The following MYEF2 variants were observed in gnomAD, a reference collection of about 807,000 sequenced individuals.
MYEF2 encodes myelin gene expression factor 2.
A neutral mutation model predicts 75.2 loss-of-function variants in MYEF2; 37 were observed. The observed-to-expected ratio is 0.49, with a 90% CI of 0.38 to 0.65. The LOEUF (loss-of-function observed/expected upper bound fraction) is 0.65, where lower values mean the gene tolerates loss of function less well. Among genes scored for constraint, MYEF2 ranks in the 30% least tolerant of loss-of-function variants. MYEF2 has a pLI of 0.00. For synonymous variants in MYEF2, 195 were observed against 241.6 expected, an observed-to-expected ratio of 0.81 and a Z score of 1.79; for missense variants, 634 against 771.4, an observed-to-expected ratio of 0.82 and a Z score of 2.11.
chr15:48,137,269 A>T lies in MYEF2; in HGVS notation c.*5639T>A, dbSNP rs2140744145. 3.6e-6 allele frequency: 1 copy of T among 274,038 alleles called. No homozygotes were observed. The highest frequency in any genetic ancestry group is 6.9e-5 in the South Asian group (1 of 14,410). The allele number at this position is 274,038 out of a possible 1,614,324, so 17.0% of individuals were successfully genotyped here. A position where few individuals can be genotyped will look rare whatever the true frequency, so the allele number is the denominator to read the frequency against. Reference sequence around the variant, plus strand: ...GATTTTCACAGAGAAGGGAGCATTTAAATTGGGCCTTGCTGGACAGGAAAG... The same window carrying T: ...GATTTTCACAGAGAAGGGAGCATTTTAATTGGGCCTTGCTGGACAGGAAAG... On this transcript the variant is annotated 3_prime_UTR_variant, in exon 17 of 17. Coordinates refer to ENST00000324324, the MANE Select transcript of MYEF2 (RefSeq NM_016132.5).
At chr15:48,156,536 C>T (rs1289723954) in intron 9 of MYEF2, among the ~76,000 whole-genome samples, 3 of 149,938 alleles carry the variant, frequency 2.0e-5, no homozygotes, top group Admixed American at 2.0e-4. Context: ...AAATATAAAC[C>T]ATCAGTAGTT....
At chr15:48,168,175 T>G (rs771293400) in intron 2 of MYEF2, among the ~76,000 whole-genome samples, 15 of 152,050 alleles carry the variant, frequency 9.9e-5, no homozygotes, top group Admixed American at 2.0e-4. Context: ...AAAGACAGCA[T>G]CATGGCAGTC....
chr15:48,153,728 A>G, intron 10 of MYEF2, 64 bp downstream of exon 10: 3 of 1,308,828 alleles, frequency 2.3e-6, no homozygotes, highest in Admixed American at 1.8e-5. Flanking sequence ...GACCACATCA[A>G]TGGAGGCTTT....
Position 48,142,251 on chromosome 15 carries a change from G to C in MYEF2, c.*657C>G. The stretch of plus-strand genomic sequence containing the variant: ...GGCTGGAAACTAGACAGAAAGTTGG[G>C]AATAGTCTGCCTATTATCATACTTG... On this transcript the variant is annotated 3_prime_UTR_variant, in exon 17 of 17. Transcript: ENST00000324324. 1 of 1,613,512 alleles carries C rather than the reference G, an allele frequency of 6.2e-7. No individual in the cohort carries two copies. The highest frequency in any genetic ancestry group is 8.5e-7 in the Non-Finnish European group (1 of 1,179,670).
rs1205778540 is a variant in MYEF2 at position 48,135,641 on chromosome 15, A to T, written c.*7267T>A. The T allele has an allele frequency of 1.3e-5, 2 of 152,104 alleles. No homozygotes were observed. The highest frequency in any genetic ancestry group is 6.6e-5 in the Admixed American group (1 of 15,236). The allele number at this position is 152,104 out of a possible 1,614,324, so 9.4% of individuals were successfully genotyped here. A position where few individuals can be genotyped will look rare whatever the true frequency, so the allele number is the denominator to read the frequency against. On this transcript the variant is annotated 3_prime_UTR_variant, in exon 17 of 17. Transcript: ENST00000324324. ...CACTATGCTAGATATCATAAGGGAT[A>T]ATGAAATGTAAAACACAGCTACACA...
chr15:48,176,633 A>T (rs1048701287), intron 1 of MYEF2, among the ~76,000 whole-genome samples: 1 of 152,212 alleles, frequency 6.6e-6, no homozygotes. Flanking sequence ...CTGTAATTCA[A>T]GGCTGCACTT....
At position 48,159,468 on chromosome 15, in the gene MYEF2, C is replaced by T. The variant is rs2039848236; in HGVS notation, c.717+145G>A. On this transcript the variant is annotated intron_variant, in intron 6 of 16. Transcript: ENST00000324324. ...TGTGTGTATATATATGTATATACGTCAATTGATTTTGAGTTTACAATAATT... is the reference window on the plus strand; with the variant it reads ...TGTGTGTATATATATGTATATACGTTAATTGATTTTGAGTTTACAATAATT... The T allele has an allele frequency of 4.5e-6, 3 of 665,606 alleles. 1 individual carries two copies. The East Asian group carries it at 8.2e-5, about 18-fold the overall frequency. 41.2% of individuals were successfully genotyped at this position (665,606 alleles called of 1,614,324 possible). A position where few individuals can be genotyped will look rare whatever the true frequency, so the allele number is the denominator to read the frequency against.
Position 48,138,835 on chromosome 15 carries a change from G to C in MYEF2, c.*4073C>G, listed in dbSNP as rs1406806917. ...TTTTCACCAGCAATATCAGTAATGA[G>C]GTACTCAAATGTTTTAAACAGCCTT... On this transcript the variant is annotated 3_prime_UTR_variant, in exon 17 of 17. Transcript: ENST00000324324. 1.6e-6 allele frequency: 1 copy of C among 642,496 alleles called. No individual in the cohort carries two copies. Among genetic ancestry groups the C allele is most frequent in the Non-Finnish European group, 2.7e-6 (1 of 366,604 alleles). 39.8% of individuals were successfully genotyped at this position (642,496 alleles called of 1,614,324 possible).
At position 48,137,239 on chromosome 15, in the gene MYEF2, T is replaced by C. The variant is rs754687037; in HGVS notation, c.*5669A>G. 3.4e-5 allele frequency: 11 copies of C among 323,532 alleles called. No homozygotes were observed. Among genetic ancestry groups the C allele is most frequent in the Non-Finnish European group, 5.6e-5 (10 of 177,810 alleles). The allele number at this position is 323,532 out of a possible 1,614,324, so 20.0% of individuals were successfully genotyped here. A position where few individuals can be genotyped will look rare whatever the true frequency, so the allele number is the denominator to read the frequency against. On this transcript the variant is annotated 3_prime_UTR_variant, in exon 17 of 17. Coordinates refer to ENST00000324324, the MANE Select transcript of MYEF2 (RefSeq NM_016132.5). Reference sequence around the variant, plus strand: ...ATTGCCAAAATGTGGTGAGGACAGATAGGAGATTTTCACAGAGAAGGGAGC... The same window carrying C: ...ATTGCCAAAATGTGGTGAGGACAGACAGGAGATTTTCACAGAGAAGGGAGC...
Position 48,137,770 on chromosome 15 carries a change from T to A in MYEF2, c.*5138A>T, listed in dbSNP as rs559516291. ...AACAGCACTTATTAAAACTGGGAACTCAGAAAAAGGGGCTGGTTTGGAAGA... is the reference window on the plus strand; with the variant it reads ...AACAGCACTTATTAAAACTGGGAACACAGAAAAAGGGGCTGGTTTGGAAGA... On this transcript the variant is annotated 3_prime_UTR_variant, in exon 17 of 17. Coordinates refer to ENST00000324324, the MANE Select transcript of MYEF2 (RefSeq NM_016132.5). The A allele has an allele frequency of 6.6e-6, 1 of 152,068 alleles. No individual in the cohort carries two copies. Among genetic ancestry groups the A allele is most frequent in the Non-Finnish European group, 1.5e-5 (1 of 67,934 alleles). 9.4% of individuals were successfully genotyped at this position (152,068 alleles called of 1,614,324 possible). A position where few individuals can be genotyped will look rare whatever the true frequency, so the allele number is the denominator to read the frequency against.
chr15:48,159,990 C>T (rs1180507676), intron 5 of MYEF2, among the ~76,000 whole-genome samples, 186 bp from the exon 6 acceptor site: 1 of 152,136 alleles, frequency 6.6e-6, no homozygotes, highest in African/African-American at 2.4e-5. Context: ...CAAAATATTT[C>T]AGCCTCCAGA....
At chr15:48,152,112 C>A (rs779940624) in intron 11 of MYEF2, 122 bp downstream of exon 11, 8 of 1,194,572 alleles carry the variant, frequency 6.7e-6, no homozygotes, top group Non-Finnish European at 9.9e-6. Flanking sequence ...TTTCTGCTAG[C>A]AGCCTTTAGA....
At chr15:48,168,940 ACT>A (rs1422898273) in intron 1 of MYEF2, 101 bp from the exon 2 acceptor site, 4 of 926,096 alleles carry the variant, frequency 4.3e-6, no homozygotes, top group Non-Finnish European at 6.4e-6. Flanking sequence ...ACCTCACAAA[ACT>A]CTCCACTAAG....
chr15:48,160,441 T>C (rs928013253), intron 5 of MYEF2, among the ~76,000 whole-genome samples: 3 of 151,096 alleles, frequency 2.0e-5, no homozygotes, highest in Non-Finnish European at 4.4e-5. Flanking sequence ...GTTAGGTTCA[T>C]TAATTTTTTA....
chr15:48,173,015 T>A (rs1423703278), intron 1 of MYEF2, among the ~76,000 whole-genome samples: 9 of 152,160 alleles, frequency 5.9e-5, no homozygotes, highest in East Asian at 1.9e-4. Flanking sequence ...AAGATTACCC[T>A]GATAACAACG....
In MYEF2 at chr15:48,141,851, TTAAA is replaced by T. The variant is rs1193153333; in HGVS notation, c.*1053_*1056del. 6.9e-6 allele frequency: 3 copies of T among 435,248 alleles called. No homozygotes were observed. In the East Asian group the frequency reaches 1.0e-4, roughly 15 times the overall value. The allele number at this position is 435,248 out of a possible 1,614,324, so 27.0% of individuals were successfully genotyped here. ...TAATTATTAAATAAATGTTAAGACT[TTAAA>T]TACTAACCCAAGAAAAATTTAAAAA... On this transcript the variant is annotated 3_prime_UTR_variant, in exon 17 of 17. Transcript: ENST00000324324.
At chr15:48,178,038 C>T in intron 1 of MYEF2, 39 bp downstream of exon 1, 1 of 1,566,978 alleles carries the variant, frequency 6.4e-7, no homozygotes, top group South Asian at 1.2e-5. Context: ...GACTCCCCGC[C>T]CCCCACCTCG....
chr15:48,167,064 T>C (rs768127827), intron 3 of MYEF2, among the ~76,000 whole-genome samples: 6 of 151,770 alleles, frequency 4.0e-5, no homozygotes, highest in Non-Finnish European at 7.4e-5. Context: ...GACATCAAAA[T>C]ACAACAAAAA....
intron 12 of MYEF2, 29 bp downstream of exon 12, chr15:48,151,845 C>A (rs1482929138): frequency 6.2e-7 from 1 of 1,601,334 alleles, no homozygotes; most frequent in Admixed American, 1.7e-5. Flanking sequence ...TAAATATGCA[C>A]ACACTTCCCA....
Sources: gnomAD v4.1 joint callset for allele counts (sites outside exome capture counted in the v4.1 genomes callset) on GRCh38, gnomAD v4.1.1 for gene constraint, MANE v1.5 for transcripts, NCBI Gene and HGNC (gene_info 2026-07-23, HGNC 2026-07-21) for gene names.